TNFRSF10D: variants seen among roughly 807,000 people sequenced by gnomAD.
TNFRSF10D encodes the protein tumor necrosis factor receptor superfamily member 10D.
Under a neutral mutation model 42.1 loss-of-function variants are expected in TNFRSF10D, and 28 were observed. That is an observed-to-expected ratio of 0.66 (90% CI 0.49 to 0.91). The LOEUF is 0.91. TNFRSF10D is among the 40% of genes least tolerant of loss of function. The pLI, the probability that TNFRSF10D is intolerant of heterozygous loss-of-function variation, is 0.00. For missense variants in TNFRSF10D, 503 were observed against 486.1 expected, an observed-to-expected ratio of 1.03 and a Z score of -0.33; for synonymous variants, 186 against 189.4, an observed-to-expected ratio of 0.98 and a Z score of 0.15.
chr8:23,163,779 G>GACTCACCGGCAGCAGA lies in TNFRSF10D; in HGVS notation c.141_150+6dup. The stretch of plus-strand genomic sequence containing the variant: ...TTCCCCAGCCAGGGACCGCGGCGGA[G>GACTCACCGGCAGCAGA]ACTCACCGGCAGCAGAACCGCGACG... On this transcript the variant is annotated splice_region_variant and intron_variant, in intron 1 of 8. Transcript: ENST00000312584. 1.9e-6 allele frequency: 3 copies of GACTCACCGGCAGCAGA among 1,608,364 alleles called. No individual in the cohort carries two copies. The highest frequency in any genetic ancestry group is 2.5e-6 in the Non-Finnish European group (3 of 1,178,226).
chr8:23,141,760 A>G (rs1425437402), intron 7 of TNFRSF10D, among the ~76,000 whole-genome samples: 2 of 152,160 alleles, frequency 1.3e-5, no homozygotes, highest in African/African-American at 4.8e-5. Flanking sequence ...AATCAAAACT[A>G]CAGTGGGATA....
chr8:23,156,214 G>A (rs1036620860), intron 1 of TNFRSF10D, among the ~76,000 whole-genome samples: 2 of 152,048 alleles, frequency 1.3e-5, no homozygotes, highest in East Asian at 1.9e-4. Flanking sequence ...CATAGTTTTT[G>A]TAACTTTTAA....
intron 2 of TNFRSF10D, among the ~76,000 whole-genome samples, chr8:23,149,657 G>T (rs1166316481): frequency 6.6e-6 from 1 of 151,534 alleles, no homozygotes; most frequent in African/African-American, 2.4e-5. Context: ...ACTCACTATG[G>T]TGGCCCCGTC....
intron 5 of TNFRSF10D, 111 bp from the exon 6 acceptor site, chr8:23,145,200 G>A: frequency 1.4e-6 from 2 of 1,398,692 alleles, no homozygotes; most frequent in Non-Finnish European, 2.0e-6. Flanking sequence ...TGGACAAGGA[G>A]CCCTGGGGCT....
At chr8:23,153,377 T>C (rs1194383143) in intron 2 of TNFRSF10D, among the ~76,000 whole-genome samples, 867 of 152,068 alleles carry the variant, frequency 5.7e-3, no homozygotes, top group African/African-American at 0.018. Flanking sequence ...GATGAGATTA[T>C]ATCAGACTAG....
At chr8:23,139,602 T>A (rs369696502) in intron 7 of TNFRSF10D, among the ~76,000 whole-genome samples, 32 of 152,180 alleles carry the variant, frequency 2.1e-4, no homozygotes, top group South Asian at 2.1e-3. Flanking sequence ...CTGGAAGCAT[T>A]CCCCTTGAGA....
At chr8:23,155,274 T>A (rs1585264425) in intron 1 of TNFRSF10D, among the ~76,000 whole-genome samples, 1 of 151,838 alleles carries the variant, frequency 6.6e-6, no homozygotes, top group Non-Finnish European at 1.5e-5. Context: ...CTTGCTATGT[T>A]GCCCAGGCTA....
chr8:23,147,624 A>T (rs888358638), intron 3 of TNFRSF10D, among the ~76,000 whole-genome samples: 1 of 152,168 alleles, frequency 6.6e-6, no homozygotes, highest in African/African-American at 2.4e-5. Context: ...GCCTGGTGGC[A>T]TGCATTACAG....
At chr8:23,140,030 C>G (rs1228560705) in intron 7 of TNFRSF10D, among the ~76,000 whole-genome samples, 2 of 152,150 alleles carry the variant, frequency 1.3e-5, no homozygotes, top group Non-Finnish European at 2.9e-5. Flanking sequence ...TGGCTCACGC[C>G]TGTAATCTCA....
At chr8:23,158,278 G>A (rs975337114) in intron 1 of TNFRSF10D, among the ~76,000 whole-genome samples, 10 of 152,186 alleles carry the variant, frequency 6.6e-5, no homozygotes, top group Admixed American at 3.9e-4. Flanking sequence ...TGAAGGTGCT[G>A]TGGACCCATA....
At chr8:23,156,339 C>G (rs1321339622) in intron 1 of TNFRSF10D, among the ~76,000 whole-genome samples, 542 of 151,422 alleles carry the variant, frequency 3.6e-3, no homozygotes, top group African/African-American at 0.011. Context: ...AGCTACTTAC[C>G]TTGGGCTCTG....
In TNFRSF10D at chr8:23,163,970, A is replaced by G. The variant is rs61760053; in HGVS notation, c.-35T>C. On this transcript the variant is annotated 5_prime_UTR_variant, in exon 1 of 9. Transcript: ENST00000312584. The stretch of plus-strand genomic sequence containing the variant: ...GGAGGGTGGATCGAAAGCGCCAAAA[A>G]TCAATCAGAAATCGTCCCCGTAGTT... 2 of 1,526,898 alleles carry G rather than the reference A, an allele frequency of 1.3e-6. No individual in the cohort carries two copies. The highest frequency in any genetic ancestry group is 2.5e-5 in the East Asian group (1 of 40,282). The allele number at this position is 1,526,898 out of a possible 1,614,324, so 94.6% of individuals were successfully genotyped here.
rs576798901 is a variant in TNFRSF10D at position 23,138,061 on chromosome 8, C to T, written c.1028-58G>A. On this transcript the variant is annotated intron_variant, in intron 8 of 8. Transcript: ENST00000312584. The stretch of plus-strand genomic sequence containing the variant: ...GCTCCAAGGACGATCAGCACAGGAT[C>T]GACATGGGGCCCCCTGCTTCCAGCA... The T allele has an allele frequency of 7.3e-5, 118 of 1,608,824 alleles. No individual in the cohort carries two copies. In the African/African-American group the frequency reaches 1.4e-3, roughly 19 times the overall value.
At chr8:23,161,172 C>T (rs770663114) in intron 1 of TNFRSF10D, among the ~76,000 whole-genome samples, 1 of 152,244 alleles carries the variant, frequency 6.6e-6, no homozygotes, top group Admixed American at 6.5e-5. Flanking sequence ...CACAGGGCTG[C>T]TGAAGATTTT....
At chr8:23,147,597 G>A (rs1311596167) in intron 3 of TNFRSF10D, among the ~76,000 whole-genome samples, 2 of 152,210 alleles carry the variant, frequency 1.3e-5, no homozygotes, top group Non-Finnish European at 2.9e-5. Flanking sequence ...GCAGGCAATA[G>A]TTTAGAAGAT....
chr8:23,150,972 A>G (rs1354618953), intron 2 of TNFRSF10D, among the ~76,000 whole-genome samples: 3 of 152,212 alleles, frequency 2.0e-5, no homozygotes, highest in Non-Finnish European at 4.4e-5. Flanking sequence ...CATCAGAGAA[A>G]GTGAAAGGAA....
At position 23,137,578 on chromosome 8, in the gene TNFRSF10D, T is replaced by C. The variant is rs566750810; in HGVS notation, c.*292A>G. 1.5e-4 allele frequency: 35 copies of C among 239,752 alleles called. No individual in the cohort carries two copies. The highest frequency in any genetic ancestry group is 1.6e-3 in the Middle Eastern group (1 of 618). 14.9% of individuals were successfully genotyped at this position (239,752 alleles called of 1,614,324 possible). A position where few individuals can be genotyped will look rare whatever the true frequency, so the allele number is the denominator to read the frequency against. On this transcript the variant is annotated 3_prime_UTR_variant, in exon 9 of 9. Transcript: ENST00000312584. ...CCTCAGCCTATCAAAGTGCTGGGATTACAGGCATGAGCCACCGCATGTGGC... is the reference window on the plus strand; with the variant it reads ...CCTCAGCCTATCAAAGTGCTGGGATCACAGGCATGAGCCACCGCATGTGGC...
chr8:23,150,710 A>T (rs1324298822), intron 2 of TNFRSF10D, among the ~76,000 whole-genome samples: 1 of 152,240 alleles, frequency 6.6e-6, no homozygotes, highest in African/African-American at 2.4e-5. Context: ...CAGACAACAT[A>T]ATAAAGAAGA....
chr8:23,144,367 G>C, intron 7 of TNFRSF10D, 83 bp downstream of exon 7: 1 of 1,483,634 alleles, frequency 6.7e-7, no homozygotes, highest in East Asian at 2.3e-5. Flanking sequence ...GGCCAGGAAA[G>C]AGGAGGCACT....
Sources: gnomAD v4.1 joint callset for allele counts (sites outside exome capture counted in the v4.1 genomes callset) on GRCh38, gnomAD v4.1.1 for gene constraint, MANE v1.5 for transcripts, NCBI Gene and HGNC (gene_info 2026-07-23, HGNC 2026-07-21) for gene names.